The following ACY1 variants were observed in gnomAD, a reference collection of about 807,000 sequenced individuals.
The protein encoded by ACY1 is aminoacylase 1, also known as aminoacylase-1.
In ACY1, 38 loss-of-function variants were observed where a neutral mutation model predicts 53.3. The ratio of observed to expected loss-of-function variants is 0.71; its 90% CI spans 0.55 to 0.93. The LOEUF (loss-of-function observed/expected upper bound fraction) is 0.93. Ranked by LOEUF, ACY1 falls within the 40% of genes least tolerant of loss-of-function variation. The probability of loss-of-function intolerance (pLI) is 0.00; values close to 1 mark genes in which losing one functional copy is unlikely to be tolerated. For missense variants in ACY1, 484 were observed against 540.9 expected (o/e 0.89, Z 1.04); for synonymous variants, 177 against 202.1 (o/e 0.88, Z 1.05).
rs146715684 is a variant in ACY1 at position 51,988,778 on chromosome 3, G to A, written c.1014G>A (p.Leu338=). 459 of 1,614,098 alleles carry A rather than the reference G, an allele frequency of 2.8e-4. 2 individuals carry two copies. The highest frequency in any genetic ancestry group is 1.8e-3 in the Middle Eastern group (11 of 6,062). The change falls in exon 14 of 15, where the codon CTG becomes CTA. Residue 338 remains leucine (L), a synonymous_variant. Coordinates refer to ENST00000636358, the MANE Select transcript of ACY1 (RefSeq NM_000666.3). ...CTTTCTCCTACAGGAACCTCACTCT[G>A]GAGCCTGAGATCATGCCTGCTGCCA... is the stretch of plus-strand genomic sequence containing the variant. ...SRVCKDMNLT[L]EPEIMPAATD... is the part of the protein sequence containing the mutation.
At chr3:51,983,998 C>T in intron 1 of ACY1, 49 bp from the exon 2 acceptor site, 3 of 1,397,972 alleles carry the variant, frequency 2.1e-6, no homozygotes. Flanking sequence ...CAGGAGCTCA[C>T]CATTTCCAGG....
Position 51,988,976 on chromosome 3 carries a change from T to A in ACY1, c.1128T>A (p.Asp376Glu). ...CACCTGTGCTGCTGCACGACCACGA[T>A]GAACGGCTGCATGAGGCTGTGTTCC... Reference protein sequence around the residue: ...NRTPVLLHDHDERLHEAVFLR... With the variant: ...NRTPVLLHDHEERLHEAVFLR... Residue 376 changes from aspartate (D) to glutamate (E), a missense_variant, in exon 15 of 15, where the codon GAT becomes GAA. By Grantham distance (45) the Asp-to-Glu change is conservative. Coordinates refer to ENST00000636358, the MANE Select transcript of ACY1 (RefSeq NM_000666.3). 1.2e-6 allele frequency: 2 copies of A among 1,614,194 alleles called. No individual in the cohort carries two copies. The highest frequency in any genetic ancestry group is 1.7e-6 in the Non-Finnish European group (2 of 1,180,042).
intron 2 of ACY1, 79 bp from the exon 3 acceptor site, chr3:51,985,128 G>T (rs1701011182): frequency 7.0e-7 from 1 of 1,436,358 alleles, no homozygotes; most frequent in Non-Finnish European, 9.6e-7. Context: ...TTCTGGGTAT[G>T]CTCCACTCTC....
rs746031558 is a variant in ACY1, at chr3:51,985,379, G to C, written c.178G>C (p.Val60Leu). The C allele has an allele frequency of 2.5e-6, 4 of 1,613,988 alleles. No individual in the cohort carries two copies. In the Admixed American group the frequency reaches 5.0e-5, roughly 20 times the overall value. The change falls in exon 4 of 15, where the codon GTG (valine) becomes CTG (leucine). Residue 60 changes from valine (V) to leucine (L), a missense_variant. By Grantham distance (32) the Val-to-Leu change is conservative (BLOSUM62 1). Coordinates refer to ENST00000636358, the MANE Select transcript of ACY1 (RefSeq NM_000666.3). ...QKVEVAPGYVVTVLTWPGTNP... is the reference protein window; with the variant it reads ...QKVEVAPGYVLTVLTWPGTNP... ...TCTCCAGGTGGCACCTGGCTATGTGGTGACCGTGTTGACCTGGCCAGGCAC... is the reference window on the plus strand; with the variant it reads ...TCTCCAGGTGGCACCTGGCTATGTGCTGACCGTGTTGACCTGGCCAGGCAC...
rs1008484184 is a variant in ACY1, at chr3:51,986,135, T to A, written c.360-120T>A. The A allele has an allele frequency of 3.5e-6, 4 of 1,142,014 alleles. No homozygotes were observed. The African/African-American group carries it at 6.1e-5, about 18-fold the overall frequency. The allele number at this position is 1,142,014 out of a possible 1,614,324, so 70.7% of individuals were successfully genotyped here. On this transcript the variant is annotated intron_variant, in intron 5 of 14. Transcript: ENST00000636358. ...AGAGAGGGGCAGGGACTTTCTGGAG[T>A]CCCTATCAGGGTGTGGCAGGGTAAA...
intron 12 of ACY1, 133 bp downstream of exon 12, chr3:51,987,757 C>A: frequency 9.8e-7 from 1 of 1,019,620 alleles, no homozygotes; most frequent in Non-Finnish European, 1.4e-6. Context: ...CATTTTATTC[C>A]AACAAGCATT....
At position 51,985,898 on chromosome 3, in the gene ACY1, G is replaced by A. The variant is rs755322908; in HGVS notation, c.311G>A (p.Gly104Asp). The A allele has an allele frequency of 9.3e-6, 15 of 1,613,650 alleles. No individual in the cohort carries two copies. The highest frequency in any genetic ancestry group is 1.7e-4 in the Middle Eastern group (1 of 6,060). ...TTTGAGGCCTTCAAGGATTCTGAGG[G>A]CTACATCTATGCCAGGGGTGCCCAG... ...DPFEAFKDSE[G>D]YIYARGAQDM... Residue 104 changes from glycine to aspartate, a missense_variant, in exon 5 of 15, where the codon GGC (glycine) becomes GAC (aspartate). Physicochemically the swap from Gly to Asp is moderately conservative, Grantham distance 94. Transcript: ENST00000636358.
In ACY1 at chr3:51,983,598, C is replaced by A; in HGVS notation, c.-19+9C>A. 4.3e-6 allele frequency: 1 copy of A among 233,090 alleles called. No homozygotes were observed. Among genetic ancestry groups the A allele is most frequent in the Non-Finnish European group, 8.6e-6 (1 of 116,438 alleles). 14.4% of individuals were successfully genotyped at this position (233,090 alleles called of 1,614,324 possible). On this transcript the variant is annotated intron_variant, in intron 1 of 14. Transcript: ENST00000636358. ...AGCGACAGGAGAGTGAGGTGGGGGC[C>A]CTGGGGAGGGATAGAGGGACTGGGG...
At chr3:51,986,045 A>G (rs910050724) in intron 5 of ACY1, 99 bp downstream of exon 5, 7 of 1,253,498 alleles carry the variant, frequency 5.6e-6, no homozygotes, top group Non-Finnish European at 8.0e-6. Flanking sequence ...AAGGCCAAGG[A>G]ACACCGTGAC....
chr3:51,986,086 T>G, intron 5 of ACY1, 140 bp downstream of exon 5: 1 of 1,076,916 alleles, frequency 9.3e-7, no homozygotes, highest in Non-Finnish European at 1.4e-6. Context: ...CCATGACCAT[T>G]GCATGGATAG....
At chr3:51,986,052 T>C (rs1701044539) in intron 5 of ACY1, 106 bp downstream of exon 5, 1 of 1,215,038 alleles carries the variant, frequency 8.2e-7, no homozygotes, top group Admixed American at 2.0e-5. Context: ...AGGAACACCG[T>C]GACCTCTTGG....
chr3:51,986,154 G>A, intron 5 of ACY1, 101 bp from the exon 6 acceptor site: 1 of 1,286,748 alleles, frequency 7.8e-7, no homozygotes, highest in Non-Finnish European at 1.1e-6. Context: ...GGGTGTGGCA[G>A]GGTAAAGTCC....
intron 2 of ACY1, 59 bp from the exon 3 acceptor site, chr3:51,985,148 T>C: frequency 6.4e-7 from 1 of 1,560,460 alleles, no homozygotes; most frequent in Non-Finnish European, 8.7e-7. Context: ...CCGGGCTGCC[T>C]GGGCTGGTGG....
At chr3:51,985,337 A>C in intron 3 of ACY1, 24 bp from the exon 4 acceptor site, 1 of 1,614,008 alleles carries the variant, frequency 6.2e-7, no homozygotes, top group Non-Finnish European at 8.5e-7. Context: ...TGCTCAGACC[A>C]CCTACCCTCC....
At position 51,985,440 on chromosome 3, in the gene ACY1, A is replaced by C; in HGVS notation, c.239A>C (p.His80Pro). ...PTLSSILLNS[H>P]TDVVPVFKEH... ...CTCTCCTCCATCTTGCTCAACTCCC[A>C]CACGGATGTGGTGCCTGTCTTCAAG... Residue 80 changes from histidine (H) to proline (P), a missense_variant, in exon 4 of 15, where the codon CAC (histidine) becomes CCC (proline). Physicochemically the swap from His to Pro is moderately conservative, Grantham distance 77. Coordinates refer to ENST00000636358, the MANE Select transcript of ACY1 (RefSeq NM_000666.3). 1 of 1,613,910 alleles carries C rather than the reference A, an allele frequency of 6.2e-7. No homozygotes were observed. Among genetic ancestry groups the C allele is most frequent in the Non-Finnish European group, 8.5e-7 (1 of 1,179,962 alleles).
intron 13 of ACY1, 73 bp downstream of exon 13, chr3:51,988,676 CCCT>C (rs1267220512): frequency 6.4e-7 from 1 of 1,559,508 alleles, no homozygotes; most frequent in African/African-American, 1.4e-5. Context: ...CCTCCCTTCT[CCCT>C]CCTTCTCCCA....
chr3:51,986,610 G>A lies in ACY1; in HGVS notation c.532G>A (p.Ala178Thr), dbSNP rs896360355. The A allele has an allele frequency of 5.0e-6, 8 of 1,614,038 alleles. No individual in the cohort carries two copies. Among genetic ancestry groups the A allele is most frequent in the Non-Finnish European group, 3.4e-6 (4 of 1,180,030 alleles). The change falls in exon 8 of 15, where the codon GCC becomes ACC. Residue 178 changes from alanine to threonine, a missense_variant. Transcript: ENST00000636358. ...AACCCCCTTTCCCTCCTCAGGCATA[G>A]CCAATCCCACTGATGCCTTCACTGT... ...RAGFALDEGIANPTDAFTVFY... is the reference protein window; with the variant it reads ...RAGFALDEGITNPTDAFTVFY...
chr3:51,985,232 G>C lies in ACY1; in HGVS notation c.120G>C (p.Glu40Asp), dbSNP rs1337160449. ...GAGCTGCTGTGGCTTTCTTTGAGGA[G>C]ACAGCCCGCCAGCTGGGCCTGGGCT... Reference protein sequence around the residue: ...DYGAAVAFFEETARQLGLGCQ... With the variant: ...DYGAAVAFFEDTARQLGLGCQ... The change falls in exon 3 of 15, where the codon GAG (glutamate) becomes GAC (aspartate). Residue 40 changes from glutamate to aspartate, a missense_variant. Physicochemically the swap from Glu to Asp is conservative, Grantham distance 45. Coordinates refer to ENST00000636358, the MANE Select transcript of ACY1 (RefSeq NM_000666.3). 6.2e-7 allele frequency: 1 copy of C among 1,606,222 alleles called. No individual in the cohort carries two copies. The highest frequency in any genetic ancestry group is 1.1e-5 in the South Asian group (1 of 89,770).
chr3:51,985,004 C>T (rs1297183322), intron 2 of ACY1: 10 of 634,480 alleles, frequency 1.6e-5, no homozygotes, highest in Non-Finnish European at 2.6e-5. Flanking sequence ...GTCCAGACAT[C>T]CCCCTGGACT....
Sources: allele counts gnomAD v4.1 joint callset, GRCh38; gene constraint gnomAD v4.1.1; transcripts MANE v1.5; gene names NCBI Gene and HGNC (gene_info 2026-07-23, HGNC 2026-07-21).